CAMK1D: variants seen among roughly 807,000 people sequenced by gnomAD.
The protein encoded by CAMK1D is calcium/calmodulin-dependent protein kinase type 1D.
In CAMK1D, 9 loss-of-function variants were observed where a neutral mutation model predicts 47.7. That is an observed-to-expected ratio of 0.19 (90% confidence interval 0.11 to 0.33). The LOEUF (loss-of-function observed/expected upper bound fraction) is 0.33. Ranked by LOEUF, CAMK1D falls within the 10% of genes least tolerant of loss-of-function variation. The probability of loss-of-function intolerance (pLI) is 1.00; values close to 1 mark genes in which losing one functional copy is unlikely to be tolerated. For synonymous variants in CAMK1D, 184 were observed against 184.9 expected, an observed-to-expected ratio of 0.99 and a Z score of 0.04; for missense variants, 291 against 488.7, an observed-to-expected ratio of 0.60 and a Z score of 3.81.
At chr10:12,502,191 C>T (rs1027086146) in intron 1 of CAMK1D, among the ~76,000 whole-genome samples, 2 of 152,174 alleles carry the variant, frequency 1.3e-5, no homozygotes, top group South Asian at 2.1e-4. Flanking sequence ...TGAGAGACAT[C>T]GCAGACCGTG....
At chr10:12,385,476 G>A (rs138337747) in intron 1 of CAMK1D, among the ~76,000 whole-genome samples, 279 of 152,286 alleles carry the variant, frequency 1.8e-3, no homozygotes, top group African/African-American at 6.2e-3. Context: ...AAAACATTTT[G>A]CTAAGTGAAA....
intron 1 of CAMK1D, among the ~76,000 whole-genome samples, chr10:12,477,464 A>C (rs888585466): frequency 1.3e-5 from 2 of 152,174 alleles, no homozygotes; most frequent in African/African-American, 4.8e-5. Flanking sequence ...TGTCCATCTG[A>C]GATGACTGGG....
intron 1 of CAMK1D, among the ~76,000 whole-genome samples, chr10:12,382,286 C>A (rs770942474): frequency 1.3e-5 from 2 of 151,962 alleles, no homozygotes; most frequent in Admixed American, 6.6e-5. Context: ...ATATAGTCAG[C>A]CCCATGGACA....
chr10:12,573,818 CTT>C (rs1564421487), intron 2 of CAMK1D, among the ~76,000 whole-genome samples: 1 of 110,064 alleles, frequency 9.1e-6, no homozygotes, highest in Non-Finnish European at 1.8e-5. Context: ...CCATGCCTGG[CTT>C]ATTAAAAAAA....
intron 1 of CAMK1D, among the ~76,000 whole-genome samples, chr10:12,354,055 T>C (rs942528091): frequency 1.6e-4 from 24 of 152,130 alleles, no homozygotes; most frequent in African/African-American, 5.8e-4. Flanking sequence ...CTGTGAAATG[T>C]ATGTGAATGG....
chr10:12,538,572 G>C (rs1254201956), intron 1 of CAMK1D, among the ~76,000 whole-genome samples: 2 of 152,164 alleles, frequency 1.3e-5, no homozygotes, highest in Non-Finnish European at 2.9e-5. Flanking sequence ...TACATTTCCA[G>C]AACGTATTGC....
chr10:12,667,748 T>A (rs1210756627), intron 3 of CAMK1D, among the ~76,000 whole-genome samples: 1 of 152,220 alleles, frequency 6.6e-6, no homozygotes, highest in East Asian at 1.9e-4. Context: ...GAATTGATGA[T>A]TAGGCTCACA....
chr10:12,578,494 C>T (rs1042871514), intron 2 of CAMK1D, among the ~76,000 whole-genome samples: 7 of 146,732 alleles, frequency 4.8e-5, no homozygotes, highest in Admixed American at 7.0e-5. Context: ...CGCTTGAACC[C>T]GGGAGGCGGA....
Position 12,787,698 on chromosome 10 carries a change from C to A in CAMK1D, c.566-3460C>A, listed in dbSNP as rs183683785. On this transcript the variant is annotated intron_variant, in intron 5 of 10. Transcript: ENST00000619168. Reference sequence around the variant, plus strand: ...CTTTACCCCCGCGTTTGTTTCCAAGCACAATTAAGAAGGTCACCAGAGGCC... The same window carrying A: ...CTTTACCCCCGCGTTTGTTTCCAAGAACAATTAAGAAGGTCACCAGAGGCC... Among the ~76,000 whole-genome samples the A allele has an allele frequency of 5.6e-4, 86 of 152,304 alleles. 1 individual carries two copies. Among genetic ancestry groups the A allele is most frequent in the African/African-American group, 2.0e-3 (85 of 41,566 alleles).
intron 3 of CAMK1D, among the ~76,000 whole-genome samples, chr10:12,735,001 AT>A (rs1206289938): frequency 6.6e-6 from 1 of 152,186 alleles, no homozygotes; most frequent in Non-Finnish European, 1.5e-5. Flanking sequence ...TGGAGGTGTG[AT>A]TCCAAGCATT....
intron 2 of CAMK1D, among the ~76,000 whole-genome samples, chr10:12,652,006 C>A (rs1189992515): frequency 1.3e-5 from 2 of 149,554 alleles, no homozygotes; most frequent in Non-Finnish European, 3.0e-5. Context: ...GCCTCTATCT[C>A]CTGACCTCGT....
intron 2 of CAMK1D, among the ~76,000 whole-genome samples, chr10:12,661,038 A>G (rs1307419473): frequency 6.6e-6 from 1 of 152,192 alleles, no homozygotes; most frequent in African/African-American, 2.4e-5. Context: ...TGGGCTAAGG[A>G]GAACCTCTTT....
chr10:12,414,224 G>A (rs1208935954), intron 1 of CAMK1D, among the ~76,000 whole-genome samples: 1 of 152,200 alleles, frequency 6.6e-6, no homozygotes, highest in Non-Finnish European at 1.5e-5. Context: ...GGAGGCATGC[G>A]TTTATTAGTT....
intron 3 of CAMK1D, among the ~76,000 whole-genome samples, chr10:12,749,443 TAAAA>T (rs60406640): frequency 0.033 from 3,948 of 119,258 alleles, 219 homozygotes; most frequent in African/African-American, 0.11. Flanking sequence ...GCTAGAAAGT[TAAAA>T]AAAAAAAAAA....
At chr10:12,749,574 G>GTTTTTTGTTTTGTTTTTTTT (rs1427691225) in intron 3 of CAMK1D, among the ~76,000 whole-genome samples, 1 of 144,722 alleles carries the variant, frequency 6.9e-6, no homozygotes, top group African/African-American at 2.6e-5. Flanking sequence ...TTGTTTGTTT[G>GTTTTTTGTTTTGTTTTTTTT]TTTTGATGAA....
intron 2 of CAMK1D, among the ~76,000 whole-genome samples, chr10:12,661,499 G>A (rs10737061): frequency 0.82 from 125,060 of 152,180 alleles, 52,295 homozygotes; most frequent in Non-Finnish European, 0.9. Context: ...CCTACTTCAT[G>A]GGCTTGTTGT....
intron 3 of CAMK1D, among the ~76,000 whole-genome samples, chr10:12,691,397 ATATATAAATATATATATATATATAT>A (rs1832906182): frequency 1.4e-4 from 1 of 7,168 alleles, no homozygotes; most frequent in African/African-American, 5.0e-4. Flanking sequence ...ATATATATAT[ATATATAAATATATATATATATATAT>A]TTTTTTTTTT....
rs1421577513 is a variant in CAMK1D at position 12,832,074 on chromosome 10, C to T, written c.*3187C>T. 6.6e-6 allele frequency: 1 copy of T among 152,350 alleles called. No individual in the cohort carries two copies. The highest frequency in any genetic ancestry group is 1.5e-5 in the Non-Finnish European group (1 of 68,166). The allele number at this position is 152,350 out of a possible 1,614,324, so 9.4% of individuals were successfully genotyped here. On this transcript the variant is annotated 3_prime_UTR_variant, in exon 11 of 11. Transcript: ENST00000619168. ...CCTGAGCCCAAGTCCCCCATTTGGTCACTATCCCTTCTCAGAGCAAGTGGA... is the reference window on the plus strand; with the variant it reads ...CCTGAGCCCAAGTCCCCCATTTGGTTACTATCCCTTCTCAGAGCAAGTGGA...
At chr10:12,553,673 T>C (rs1292281512) in intron 2 of CAMK1D, among the ~76,000 whole-genome samples, 1 of 152,156 alleles carries the variant, frequency 6.6e-6, no homozygotes, top group African/African-American at 2.4e-5. Flanking sequence ...GTCTTCTCTG[T>C]AAAATGGAGT....
Sources: gnomAD v4.1 joint callset for allele counts (sites outside exome capture counted in the v4.1 genomes callset) on GRCh38, gnomAD v4.1.1 for gene constraint, MANE v1.5 for transcripts, NCBI Gene and HGNC (gene_info 2026-07-23, HGNC 2026-07-21) for gene names.